Variants in NREP observed in about 807,000 individuals in gnomAD.
The protein encoded by NREP is neuronal regeneration-related protein.
In NREP, 5 loss-of-function variants were observed where a neutral mutation model predicts 8.6. The observed-to-expected ratio is 0.58, with a 90% CI of 0.30 to 1.22. NREP has a LOEUF of 1.22. Ranked by LOEUF, NREP falls within the 50% of genes most tolerant of loss-of-function variation. The pLI is 0.07. For missense variants in NREP, 86 were observed against 82.5 expected (o/e 1.04, Z -0.17); for synonymous variants, 27 against 28.0 (o/e 0.96, Z 0.11).
chr5:111,737,725 A>AAAC (rs1554094678), intron 2 of NREP, among the ~76,000 whole-genome samples: 7 of 147,494 alleles, frequency 4.7e-5, no homozygotes, highest in Admixed American at 2.7e-4. Context: ...TAAAAAAAAA[A>AAAC]AAAACAAAAA....
chr5:111,786,005 G>A (rs1461109201), intron 2 of NREP, among the ~76,000 whole-genome samples: 1 of 152,140 alleles, frequency 6.6e-6, no homozygotes, highest in African/African-American at 2.4e-5. Flanking sequence ...GTGTGGAGCA[G>A]GAAAAGGCTT....
chr5:111,884,201 C>A (rs1330467061), intron 2 of NREP, among the ~76,000 whole-genome samples: 1 of 151,152 alleles, frequency 6.6e-6, no homozygotes, highest in African/African-American at 2.4e-5. Flanking sequence ...AACACCTCTA[C>A]GCAAATAAAC....
intron 2 of NREP, among the ~76,000 whole-genome samples, chr5:111,886,375 G>T (rs1754249071): frequency 6.6e-6 from 1 of 151,778 alleles, no homozygotes; most frequent in Non-Finnish European, 1.5e-5. Flanking sequence ...CTGTTGGTGG[G>T]ACTGTAAACT....
intron 2 of NREP, among the ~76,000 whole-genome samples, chr5:111,909,316 T>C (rs963159144): frequency 3.9e-5 from 6 of 152,096 alleles, no homozygotes; most frequent in African/African-American, 1.4e-4. Flanking sequence ...AACTTAGAGC[T>C]TAGCATCTTC....
At chr5:111,809,365 T>A (rs1265879252) in intron 2 of NREP, among the ~76,000 whole-genome samples, 1 of 152,242 alleles carries the variant, frequency 6.6e-6, no homozygotes, top group South Asian at 2.1e-4. Context: ...AGAAGTCAGC[T>A]ACTGTTTGAG....
In NREP at chr5:111,730,964, C is replaced by G; in HGVS notation, c.164G>C (p.Ser55Thr). Residue 55 changes from serine to threonine, a missense_variant, in exon 4 of 4, where the codon AGT becomes ACT. Ser to Thr is a moderately conservative substitution (Grantham distance 58, BLOSUM62 1). Transcript: ENST00000257435. ...NAASLTPLGS[S>T]ELRSPRISYL... ...ACTGATTCTTGGGGAGCGGAGTTCA[C>G]TGCTGCCCAGTGGAGTCAGGGAGGC... 1 of 1,613,938 alleles carries G rather than the reference C, an allele frequency of 6.2e-7. No individual in the cohort carries two copies. Among genetic ancestry groups the G allele is most frequent in the Non-Finnish European group, 8.5e-7 (1 of 1,179,846 alleles).
chr5:111,772,988 C>A (rs1244148219), intron 2 of NREP, among the ~76,000 whole-genome samples: 2 of 152,100 alleles, frequency 1.3e-5, no homozygotes, highest in East Asian at 3.9e-4. Context: ...CTGTTTTCAA[C>A]TAAGTCAACA....
intron 2 of NREP, among the ~76,000 whole-genome samples, chr5:111,915,518 A>G (rs945695192): frequency 3.3e-5 from 5 of 152,108 alleles, no homozygotes; most frequent in East Asian, 1.9e-4. Context: ...ACTCAAAAGC[A>G]CTTAGGTCCT....
At chr5:111,915,078 C>A (rs1755018982) in intron 2 of NREP, among the ~76,000 whole-genome samples, 3 of 152,030 alleles carry the variant, frequency 2.0e-5, no homozygotes. Context: ...TGCTTGTTTC[C>A]TTGTGCTATT....
rs41539478 is a variant in NREP, at chr5:111,959,151, A to G, written c.135+16123T>C. On this transcript the variant is annotated intron_variant, in intron 2 of 3. Coordinates refer to the NREP transcript ENST00000395634. ...AGGTTTTCTTAAGCAAGTTGCCAAA[A>G]AAAGCAAAAAGAAAGATAAATATAT... 3.9e-3 allele frequency among the ~76,000 whole-genome samples: 590 copies of G among 152,116 alleles called. 9 individuals are homozygous for G. The highest frequency in any genetic ancestry group is 0.014 in the African/African-American group (576 of 41,554).
At chr5:111,731,740 C>T (rs978721289) in intron 3 of NREP, 1 of 152,176 alleles carries the variant, frequency 6.6e-6, no homozygotes, top group Non-Finnish European at 1.5e-5. Flanking sequence ...TAAGGCTCTC[C>T]TCACAATCCT....
chr5:111,971,096 C>T (rs1756804022), intron 2 of NREP, among the ~76,000 whole-genome samples: 2 of 152,108 alleles, frequency 1.3e-5, no homozygotes, highest in Admixed American at 1.3e-4. Flanking sequence ...CTTATTTACA[C>T]AGGAATTCAA....
At chr5:111,875,516 T>A (rs1204890167) in intron 2 of NREP, among the ~76,000 whole-genome samples, 2 of 152,232 alleles carry the variant, frequency 1.3e-5, no homozygotes, top group African/African-American at 4.8e-5. Context: ...GGCTCTTGGA[T>A]GCAGAGCTCT....
At chr5:111,757,361 G>A, upstream of NREP, 1 of 922,058 alleles carries the variant, frequency 1.1e-6, no homozygotes, top group Non-Finnish European at 1.3e-6. Flanking sequence ...AAAAGGAGGA[G>A]GAGATCATCT....
intron 2 of NREP, among the ~76,000 whole-genome samples, chr5:111,857,442 A>G (rs1037108765): frequency 6.6e-6 from 1 of 152,214 alleles, no homozygotes; most frequent in Non-Finnish European, 1.5e-5. Context: ...TAAGTGTCAC[A>G]TAACTTATCA....
intron 2 of NREP, among the ~76,000 whole-genome samples, chr5:111,767,057 C>G (rs111689519): frequency 6.6e-6 from 1 of 152,012 alleles, no homozygotes; most frequent in African/African-American, 2.4e-5. Flanking sequence ...TGAATGCACA[C>G]GTGAAAAAAG....
intron 2 of NREP, among the ~76,000 whole-genome samples, chr5:111,841,649 C>T (rs927868144): frequency 6.6e-6 from 1 of 151,948 alleles, no homozygotes; most frequent in Non-Finnish European, 1.5e-5. Context: ...CCTGGGGTTC[C>T]CTCCTCCTTA....
intron 2 of NREP, among the ~76,000 whole-genome samples, chr5:111,781,160 T>C (rs890221329): frequency 2.6e-5 from 4 of 152,138 alleles, no homozygotes; most frequent in Non-Finnish European, 5.9e-5. Flanking sequence ...CCTCCACTTC[T>C]GATAGGCCCC....
At chr5:111,935,338 T>A (rs567983145) in intron 2 of NREP, among the ~76,000 whole-genome samples, 2 of 152,144 alleles carry the variant, frequency 1.3e-5, no homozygotes, top group African/African-American at 4.8e-5. Flanking sequence ...GGCTTGGACT[T>A]AGCAGAGAGG....
Sources: allele counts gnomAD v4.1 joint callset (sites outside exome capture counted in the v4.1 genomes callset), GRCh38; gene constraint gnomAD v4.1.1; transcripts MANE v1.5; gene names NCBI Gene and HGNC (gene_info 2026-07-23, HGNC 2026-07-21).